The following FAT4 variants were observed in gnomAD, a reference collection of about 807,000 sequenced individuals.
The protein encoded by FAT4 is FAT atypical cadherin 4.
Under a neutral mutation model 303.9 loss-of-function variants are expected in FAT4, and 84 were observed. The ratio of observed to expected loss-of-function variants is 0.28; its 90% CI spans 0.23 to 0.33. FAT4 has a LOEUF of 0.33. Ranked by LOEUF, FAT4 falls within the 10% of genes least tolerant of loss-of-function variation. The pLI is 1.00. For synonymous variants in FAT4, 2,307 were observed against 2,298.8 expected (o/e 1.00, Z -0.10); for missense variants, 6,005 against 6,146.8 (o/e 0.98, Z 0.77).
chr4:125,487,212 T>C lies in FAT4; in HGVS notation c.12823-133T>C. 4 of 724,726 alleles carry C rather than the reference T, an allele frequency of 5.5e-6. No homozygotes were observed. In the South Asian group the frequency reaches 9.0e-5, roughly 16 times the overall value. The allele number at this position is 724,726 out of a possible 1,614,324, so 44.9% of individuals were successfully genotyped here. ...ATTAGAGACAAAGTGTGTAAGTATA[T>C]TCTAATACAACCAGATTCTTCAGCT... On this transcript the variant is annotated intron_variant, in intron 16 of 17. Coordinates refer to ENST00000394329, the MANE Select transcript of FAT4 (RefSeq NM_001291303.3).
chr4:125,346,181 T>C (rs1175790101), intron 2 of FAT4, among the ~76,000 whole-genome samples: 12 of 152,078 alleles, frequency 7.9e-5, no homozygotes, highest in Non-Finnish European at 5.9e-5. Flanking sequence ...TTGAAGCTTG[T>C]ACACAAACTT....
intron 12 of FAT4, among the ~76,000 whole-genome samples, chr4:125,474,175 G>A (rs1032435273): frequency 2.6e-5 from 4 of 151,986 alleles, no homozygotes; most frequent in African/African-American, 7.2e-5. Flanking sequence ...GCTTTTAGAT[G>A]TATACGAAAT....
At chr4:125,362,750 A>G (rs1347611655) in intron 2 of FAT4, 1 of 152,210 alleles carries the variant, frequency 6.6e-6, no homozygotes, top group African/African-American at 2.4e-5. Flanking sequence ...GATGATTTCT[A>G]TTAAACATAC....
In FAT4 at chr4:125,407,970, T is replaced by C. The variant is rs141470487; in HGVS notation, c.5570-474T>C. Among the ~76,000 whole-genome samples, 428 of 152,270 alleles carry C rather than the reference T, an allele frequency of 2.8e-3. 3 individuals are homozygous for C. The highest frequency in any genetic ancestry group is 1.0e-2 in the African/African-American group (415 of 41,572). ...GAAGTTTTTTCTTCACTCCTCAAGATATCTTGTGCAAGTCCTTTATGGAAA... is the reference window on the plus strand; with the variant it reads ...GAAGTTTTTTCTTCACTCCTCAAGACATCTTGTGCAAGTCCTTTATGGAAA... On this transcript the variant is annotated intron_variant, in intron 4 of 17. Coordinates refer to ENST00000394329, the MANE Select transcript of FAT4 (RefSeq NM_001291303.3).
At position 125,450,616 on chromosome 4, in the gene FAT4, C is replaced by T. The variant is rs758295187; in HGVS notation, c.9606C>T (p.Phe3202=). The T allele has an allele frequency of 1.2e-5, 20 of 1,614,042 alleles. No individual in the cohort carries two copies. The highest frequency in any genetic ancestry group is 1.5e-5 in the Non-Finnish European group (18 of 1,179,992). The stretch of plus-strand genomic sequence containing the variant: ...CAGTATTCCTCTCTGATGACTATTT[C>T]CCTACTGTTTTGGAAAATGCCCCAA... ...NSPVFLSDDY[F]PTVLENAPSG... Residue 3202 remains phenylalanine (F), a synonymous_variant, in exon 10 of 18, where the codon TTC becomes TTT. Coordinates refer to ENST00000394329, the MANE Select transcript of FAT4 (RefSeq NM_001291303.3).
chr4:125,321,717 T>C, intron 2 of FAT4, 131 bp downstream of exon 2: 1 of 947,368 alleles, frequency 1.1e-6, no homozygotes, highest in South Asian at 2.1e-5. Flanking sequence ...CACCTAAAAA[T>C]GTTCTGTCAA....
At chr4:125,404,018 AAATT>A (rs1203819258) in intron 3 of FAT4, among the ~76,000 whole-genome samples, 2 of 152,134 alleles carry the variant, frequency 1.3e-5, no homozygotes, top group Non-Finnish European at 2.9e-5. Context: ...TGCCTTTAAC[AAATT>A]AATTAGTGCC....
chr4:125,453,633 G>C (rs1291874494), intron 10 of FAT4, among the ~76,000 whole-genome samples: 1 of 152,010 alleles, frequency 6.6e-6, no homozygotes, highest in Non-Finnish European at 1.5e-5. Context: ...TTAAATTCGG[G>C]AGGCAGAGGT....
chr4:125,408,509 A>T lies in FAT4; in HGVS notation c.5635A>T (p.Ile1879Phe), dbSNP rs753688982. Residue 1879 changes from isoleucine to phenylalanine, a missense_variant, in exon 5 of 18, where the codon ATT becomes TTT. Ile to Phe is a conservative substitution (Grantham distance 21). Coordinates refer to ENST00000394329, the MANE Select transcript of FAT4 (RefSeq NM_001291303.3). ...DSGVNGEITY[I>F]VNEDDEDGIF... ...TGGTGTGAATGGAGAAATTACATAT[A>T]TTGTGAATGAAGATGATGAAGATGG... 2 of 1,613,400 alleles carry T rather than the reference A, an allele frequency of 1.2e-6. No homozygotes were observed. Among genetic ancestry groups the T allele is most frequent in the South Asian group, 2.2e-5 (2 of 91,036 alleles).
At chr4:125,327,954 A>G (rs1370110159) in intron 2 of FAT4, among the ~76,000 whole-genome samples, 2 of 152,152 alleles carry the variant, frequency 1.3e-5, no homozygotes, top group Non-Finnish European at 2.9e-5. Flanking sequence ...CAAACTGCAT[A>G]GGCCCTGAGG....
In FAT4 at chr4:125,477,275, A is replaced by G. The variant is rs146563695; in HGVS notation, c.12420A>G (p.Ala4140=). 1.3e-6 allele frequency: 2 copies of G among 1,585,244 alleles called. No homozygotes were observed. The highest frequency in any genetic ancestry group is 1.4e-5 in the African/African-American group (1 of 71,564). ...TTGTTGGGTGTATAATGGAGTTTGC[A>G]GTCAATGGAAGGCCTCTGGAACCCA... ...HDFVGCIMEF[A]VNGRPLEPSQ... Residue 4140 remains alanine, a synonymous_variant, in exon 14 of 18, where the codon GCA becomes GCG. Transcript: ENST00000394329.
intron 2 of FAT4, among the ~76,000 whole-genome samples, chr4:125,322,268 G>A (rs1030302720): frequency 2.0e-5 from 3 of 152,094 alleles, no homozygotes; most frequent in African/African-American, 7.2e-5. Flanking sequence ...ACTAGGGATT[G>A]TTTCTTGACA....
chr4:125,435,889 T>C lies in FAT4; in HGVS notation c.7199+1464T>C, dbSNP rs554823313. On this transcript the variant is annotated intron_variant, in intron 8 of 17. Coordinates refer to ENST00000394329, the MANE Select transcript of FAT4 (RefSeq NM_001291303.3). ...GAGAGGATTTACGGAGAGAAACCAG[T>C]GCACCATTTAGGCACTAATTAATAT... Among the ~76,000 whole-genome samples, 405 of 152,250 alleles carry C rather than the reference T, an allele frequency of 2.7e-3. 2 individuals carry two copies. Among genetic ancestry groups the C allele is most frequent in the Admixed American group, 6.1e-3 (93 of 15,284 alleles).
chr4:125,369,796 C>T (rs979270453), intron 2 of FAT4, among the ~76,000 whole-genome samples: 3 of 152,146 alleles, frequency 2.0e-5, no homozygotes, highest in Admixed American at 2.0e-4. Context: ...CGGCAAGCTC[C>T]AGGCCACCAC....
At chr4:125,446,142 T>G in intron 8 of FAT4, 151 bp from the exon 9 acceptor site, 1 of 615,546 alleles carries the variant, frequency 1.6e-6, no homozygotes, top group Non-Finnish European at 2.7e-6. Flanking sequence ...AAATATTTAT[T>G]AGCTAGACTA....
intron 7 of FAT4, among the ~76,000 whole-genome samples, chr4:125,427,704 A>G (rs920308939): frequency 2.0e-5 from 3 of 152,196 alleles, no homozygotes; most frequent in Admixed American, 6.5e-5. Context: ...GAAAAAAAGA[A>G]GCTAATACTT....
chr4:125,463,864 A>G (rs1726567508), intron 11 of FAT4, among the ~76,000 whole-genome samples, 197 bp downstream of exon 11: 1 of 152,148 alleles, frequency 6.6e-6, no homozygotes, highest in Non-Finnish European at 1.5e-5. Context: ...GGTCATTACT[A>G]GAAAAAGAGT....
At chr4:125,374,978 C>T (rs1320660626) in intron 2 of FAT4, among the ~76,000 whole-genome samples, 2 of 152,056 alleles carry the variant, frequency 1.3e-5, no homozygotes, top group Non-Finnish European at 2.9e-5. Context: ...TATGATATTG[C>T]CCCTTATATA....
intron 10 of FAT4, among the ~76,000 whole-genome samples, chr4:125,459,212 G>A (rs10518466): frequency 0.49 from 74,249 of 151,684 alleles, 18,869 homozygotes; most frequent in Non-Finnish European, 0.57. Flanking sequence ...AAAAATTATC[G>A]TATCTTCATG....
Sources: gnomAD v4.1 joint callset for allele counts (sites outside exome capture counted in the v4.1 genomes callset) on GRCh38, gnomAD v4.1.1 for gene constraint, MANE v1.5 for transcripts, NCBI Gene and HGNC (gene_info 2026-07-23, HGNC 2026-07-21) for gene names.